The following ADAMTS15 variants were observed in gnomAD, a reference collection of about 807,000 sequenced individuals.
The protein encoded by ADAMTS15 is ADAM metallopeptidase with thrombospondin type 1 motif 15.
A neutral mutation model predicts 79.1 loss-of-function variants in ADAMTS15; 35 were observed. The ratio of observed to expected loss-of-function variants is 0.44; its 90% confidence interval spans 0.34 to 0.59. The LOEUF (loss-of-function observed/expected upper bound fraction) is 0.59, where lower values mean the gene tolerates loss of function less well. Ranked by LOEUF, ADAMTS15 falls within the 20% of genes least tolerant of loss-of-function variation. The pLI, the probability that ADAMTS15 is intolerant of heterozygous loss-of-function variation, is 0.02. For missense variants in ADAMTS15, 1,324 were observed against 1,318.7 expected, an observed-to-expected ratio of 1.00 and a Z score of -0.06; for synonymous variants, 616 against 567.3, an observed-to-expected ratio of 1.09 and a Z score of -1.22.
rs373104610 is a variant in ADAMTS15, at chr11:130,473,158, C to T, written c.2190C>T (p.Asn730=). ...ATGACAACTACCTGGCTCTGAAGAA[C>T]AGCCAAGGCAAGTACCTGCTCAACG... ...IGDDNYLALK[N]SQGKYLLNGH... is the part of the protein sequence containing the mutation. Residue 730 remains asparagine (N), a synonymous_variant, in exon 8 of 8, where the codon AAC becomes AAT. Transcript: ENST00000299164. 5.6e-6 allele frequency: 9 copies of T among 1,614,002 alleles called. No homozygotes were observed. Among genetic ancestry groups the T allele is most frequent in the Admixed American group, 1.7e-5 (1 of 60,012 alleles).
chr11:130,469,024 C>T (rs116340893), intron 4 of ADAMTS15, among the ~76,000 whole-genome samples: 2,581 of 151,216 alleles, frequency 0.017, 72 homozygotes, highest in African/African-American at 0.058. Flanking sequence ...CTCTTTTGCA[C>T]GGCCTCCTTT....
Position 130,474,059 on chromosome 11 carries a change from G to C in ADAMTS15, c.*238G>C, listed in dbSNP as rs973924428. 2.6e-5 allele frequency: 14 copies of C among 538,388 alleles called. No homozygotes were observed. Among genetic ancestry groups the C allele is most frequent in the Admixed American group, 1.0e-4 (3 of 29,800 alleles). The allele number at this position is 538,388 out of a possible 1,614,324, so 33.4% of individuals were successfully genotyped here. On this transcript the variant is annotated 3_prime_UTR_variant, in exon 8 of 8. Transcript: ENST00000299164. ...AGGCCCCGCTCCTCGGGCCGGTTGC[G>C]GGGAGAGGCTTTGAGGTGCAGGGCA... is the stretch of plus-strand genomic sequence containing the variant.
chr11:130,451,765 G>C (rs1937966186), intron 1 of ADAMTS15, among the ~76,000 whole-genome samples: 1 of 152,182 alleles, frequency 6.6e-6, no homozygotes, highest in South Asian at 2.1e-4. Flanking sequence ...GCTGGGAATA[G>C]GGACCATGCC....
intron 1 of ADAMTS15, among the ~76,000 whole-genome samples, chr11:130,457,156 G>A (rs1938099094): frequency 6.6e-6 from 1 of 150,838 alleles, no homozygotes; most frequent in African/African-American, 2.5e-5. Context: ...GCTTGAACCC[G>A]GGAGGCAGAG....
chr11:130,468,689 C>T (rs1339440349), intron 4 of ADAMTS15, among the ~76,000 whole-genome samples: 1 of 144,334 alleles, frequency 6.9e-6, no homozygotes, highest in Non-Finnish European at 1.5e-5. Context: ...GGCGTGAACC[C>T]AGGAGGCGGA....
In ADAMTS15 at chr11:130,462,192, G is replaced by C. The variant is rs200077954; in HGVS notation, c.1196G>C (p.Arg399Pro). 1.2e-6 allele frequency: 2 copies of C among 1,614,180 alleles called. No individual in the cohort carries two copies. Among genetic ancestry groups the C allele is most frequent in the Admixed American group, 3.3e-5 (2 of 60,028 alleles). The change falls in exon 3 of 8, where the codon CGT becomes CCT. Residue 399 changes from arginine to proline, a missense_variant. By Grantham distance (103) the Arg-to-Pro change is moderately radical. Transcript: ENST00000299164. The surrounding 1 kb of genome is among the most constrained non-coding windows in gnomAD (Gnocchi z 4.3). Reference protein sequence around the residue: ...MMSPTLIQIDRANPWSACSAA... With the variant: ...MMSPTLIQIDPANPWSACSAA... ...TCCCCGACCCTCATCCAGATCGACC[G>C]TGCCAACCCCTGGTCAGCCTGCAGT...
In ADAMTS15 at chr11:130,471,560, C is replaced by CTCAT. The variant is rs201979154; in HGVS notation, c.2078+196_2078+199dup. On this transcript the variant is annotated intron_variant, in intron 7 of 7. Coordinates refer to ENST00000299164, the MANE Select transcript of ADAMTS15 (RefSeq NM_139055.4). ...AGTCCTTCACTCACTCATTCATTCA[C>CTCAT]TCATTCATTCATTCATTCATTCTTT... Among the ~76,000 whole-genome samples, 1,358 of 152,212 alleles carry CTCAT rather than the reference C, an allele frequency of 8.9e-3. 8 individuals are homozygous for CTCAT. The highest frequency in any genetic ancestry group is 0.037 in the Middle Eastern group (11 of 294).
At chr11:130,469,203 T>C in intron 4 of ADAMTS15, 59 bp from the exon 5 acceptor site, 2 of 1,345,728 alleles carry the variant, frequency 1.5e-6, no homozygotes, top group Non-Finnish European at 1.9e-6. Context: ...TTCTATGGGC[T>C]GAGGGGCTGG....
Position 130,470,182 on chromosome 11 carries a change from G to GTGTATATATATATATATATATATATATA in ADAMTS15, c.1721-735_1721-734insATATATATATATATATATATATATATGT, listed in dbSNP as rs1938414045. 1.7e-4 allele frequency among the ~76,000 whole-genome samples: 12 copies of GTGTATATATATATATATATATATATATA among 72,704 alleles called. 1 individual carries two copies. Among genetic ancestry groups the GTGTATATATATATATATATATATATATA allele is most frequent in the Admixed American group, 7.3e-4 (4 of 5,496 alleles). 47.7% of individuals were successfully genotyped at this position (72,704 alleles called of 152,430 possible). On this transcript the variant is annotated intron_variant, in intron 5 of 7. Transcript: ENST00000299164. The stretch of plus-strand genomic sequence containing the variant: ...TATATATATATATATATATATATAT[G>GTGTATATATATATATATATATATATATA]TGTGTATATATATATATATATATAT...
intron 5 of ADAMTS15, among the ~76,000 whole-genome samples, chr11:130,470,133 C>CATATATATATATATATGTGTATATATAT (rs1686071441): frequency 6.7e-5 from 5 of 74,790 alleles, no homozygotes; most frequent in Non-Finnish European, 1.3e-4. Flanking sequence ...TATATATATA[C>CATATATATATATATATGTGTATATATAT]ATATATATAT....
At chr11:130,469,834 G>A (rs1266503743) in intron 5 of ADAMTS15, among the ~76,000 whole-genome samples, 2 of 151,972 alleles carry the variant, frequency 1.3e-5, no homozygotes, top group African/African-American at 4.8e-5. Flanking sequence ...ACTTGATGGG[G>A]AAAACAAAAT....
chr11:130,469,205 AGGGGCT>A (rs762678698), intron 4 of ADAMTS15, 51 bp from the exon 5 acceptor site: 224 of 1,347,750 alleles, frequency 1.7e-4, no homozygotes, highest in Non-Finnish European at 2.0e-4. Context: ...CTATGGGCTG[AGGGGCT>A]GGGTGTGGCA....
intron 7 of ADAMTS15, among the ~76,000 whole-genome samples, chr11:130,471,794 T>C (rs1258852283): frequency 6.6e-6 from 1 of 152,212 alleles, no homozygotes; most frequent in Non-Finnish European, 1.5e-5. Flanking sequence ...GGTATAATAC[T>C]AATATATTTC....
intron 5 of ADAMTS15, among the ~76,000 whole-genome samples, chr11:130,470,364 C>T (rs1487294612): frequency 6.6e-6 from 1 of 151,128 alleles, no homozygotes; most frequent in Non-Finnish European, 1.5e-5. Context: ...TTATAGGTGC[C>T]TGCCACCATG....
intron 1 of ADAMTS15, 125 bp from the exon 2 acceptor site, chr11:130,461,364 T>C: frequency 7.2e-7 from 1 of 1,381,638 alleles, no homozygotes; most frequent in Non-Finnish European, 9.9e-7. Context: ...TGGAAGGTGC[T>C]GGGCCTGGTG....
rs755615895 is a variant in ADAMTS15 at position 130,473,465 on chromosome 11, G to C, written c.2497G>C (p.Glu833Gln). ...CGTCCTCAGCCTCTCCAACCAGGTG[G>C]AGCAGCCGGACGACAGGCCCCCTGC... The part of the protein sequence containing the change: ...NSVLSLSNQV[E>Q]QPDDRPPARW... The change falls in exon 8 of 8, where the codon GAG becomes CAG. Residue 833 changes from glutamate to glutamine, a missense_variant. Transcript: ENST00000299164. 8.1e-6 allele frequency: 13 copies of C among 1,612,174 alleles called. No individual in the cohort carries two copies. Among genetic ancestry groups the C allele is most frequent in the Non-Finnish European group, 9.3e-6 (11 of 1,179,656 alleles).
chr11:130,469,386 A>G lies in ADAMTS15; in HGVS notation c.1667A>G (p.Glu556Gly). 7.4e-7 allele frequency: 1 copy of G among 1,354,858 alleles called. No homozygotes were observed. The highest frequency in any genetic ancestry group is 9.6e-7 in the Non-Finnish European group (1 of 1,044,576). The allele number at this position is 1,354,858 out of a possible 1,614,324, so 83.9% of individuals were successfully genotyped here. A position where few individuals can be genotyped will look rare whatever the true frequency, so the allele number is the denominator to read the frequency against. Reference protein sequence around the residue: ...PTPANGGKYCEGVRVKYRSCN... With the variant: ...PTPANGGKYCGGVRVKYRSCN... The stretch of plus-strand genomic sequence containing the variant: ...CCTGCCAACGGGGGCAAGTACTGCG[A>G]GGGAGTGAGGGTGAAATACCGATCC... Residue 556 changes from glutamate to glycine, a missense_variant, in exon 5 of 8, where the codon GAG becomes GGG. Coordinates refer to ENST00000299164, the MANE Select transcript of ADAMTS15 (RefSeq NM_139055.4).
chr11:130,470,254 T>C (rs1025931114), intron 5 of ADAMTS15, among the ~76,000 whole-genome samples: 3 of 145,802 alleles, frequency 2.1e-5, no homozygotes, highest in African/African-American at 7.7e-5. Context: ...ACTCACTCTG[T>C]TGCCCAGGCT....
intron 1 of ADAMTS15, among the ~76,000 whole-genome samples, chr11:130,457,261 T>C (rs1938103461): frequency 6.6e-6 from 1 of 151,490 alleles, no homozygotes; most frequent in South Asian, 2.1e-4. Flanking sequence ...ATGTGCTTGA[T>C]TTTTGTGCAT....
Sources: gnomAD v4.1 joint callset for allele counts (sites outside exome capture counted in the v4.1 genomes callset) on GRCh38, gnomAD v4.1.1 for gene constraint, Gnocchi (gnomAD v3.1) non-coding constraint, MANE v1.5 for transcripts, NCBI Gene and HGNC (gene_info 2026-07-23, HGNC 2026-07-21) for gene names.